Variants in CHL1 observed in about 807,000 individuals in gnomAD.
CHL1 encodes the protein neural cell adhesion molecule L1-like protein.
In CHL1, 96 loss-of-function variants were observed where a neutral mutation model predicts 141.9. The observed-to-expected ratio is 0.68, with a 90% CI of 0.57 to 0.80. The LOEUF is 0.80. Ranked by LOEUF, CHL1 falls within the 30% of genes least tolerant of loss-of-function variation. The pLI is 0.00. For missense variants in CHL1, 1,820 were observed against 1,457.2 expected (o/e 1.25, Z -4.05); for synonymous variants, 613 against 502.2 (o/e 1.22, Z -2.95).
At chr3:254,902 G>C (rs993118773) in intron 2 of CHL1, among the ~76,000 whole-genome samples, 1 of 152,116 alleles carries the variant, frequency 6.6e-6, no homozygotes. Flanking sequence ...TGACCATTAA[G>C]TCTCAACACT....
chr3:328,627 T>C (rs1559262171), intron 5 of CHL1, among the ~76,000 whole-genome samples: 1 of 152,130 alleles, frequency 6.6e-6, no homozygotes, highest in Non-Finnish European at 1.5e-5. Flanking sequence ...GAATTAAACA[T>C]ATTATTAGTT....
chr3:271,224 C>G (rs1046733093), intron 2 of CHL1, among the ~76,000 whole-genome samples: 1 of 152,168 alleles, frequency 6.6e-6, no homozygotes, highest in African/African-American at 2.4e-5. Context: ...TTTTAACTCG[C>G]TGATTTTCAG....
intron 3 of CHL1, among the ~76,000 whole-genome samples, chr3:322,580 C>T (rs1700656414): frequency 6.8e-6 from 1 of 147,386 alleles, no homozygotes; most frequent in South Asian, 2.1e-4. Flanking sequence ...GGCTTGAGGT[C>T]AGGAGTTCAA....
In CHL1 at chr3:390,948, A is replaced by T. The variant is rs1428348386; in HGVS notation, c.2587-7A>T. ...GATATACTAAAAGATTTTGGTTTTC[A>T]TTGCAGATAAATTGGTGGAAAACAA... On this transcript the variant is annotated splice_region_variant and splice_polypyrimidine_tract_variant and intron_variant, in intron 21 of 27. Coordinates refer to ENST00000256509, the MANE Select transcript of CHL1 (RefSeq NM_006614.4). 3 of 1,612,658 alleles carry T rather than the reference A, an allele frequency of 1.9e-6. No individual in the cohort carries two copies. Among genetic ancestry groups the T allele is most frequent in the Non-Finnish European group, 1.7e-6 (2 of 1,178,872 alleles).
rs116261147 is a variant in CHL1, at chr3:292,037, C to T, written c.-94-27646C>T. Among the ~76,000 whole-genome samples, 189 of 152,276 alleles carry T rather than the reference C, an allele frequency of 1.2e-3. 1 individual carries two copies. Among genetic ancestry groups the T allele is most frequent in the African/African-American group, 3.9e-3 (161 of 41,562 alleles). ...GGAGAAAGAAAAGGTGGAAACGATT[C>T]CTCTTGCACGTTTCAGAGTGTTAGA... On this transcript the variant is annotated intron_variant, in intron 2 of 27. Coordinates refer to ENST00000256509, the MANE Select transcript of CHL1 (RefSeq NM_006614.4).
intron 10 of CHL1, among the ~76,000 whole-genome samples, chr3:351,998 A>G (rs1252815912): frequency 6.6e-6 from 1 of 152,202 alleles, no homozygotes; most frequent in East Asian, 1.9e-4. Flanking sequence ...AGACTATTTA[A>G]AAATAAGCTC....
chr3:392,488 A>G (rs878952122), intron 23 of CHL1, among the ~76,000 whole-genome samples: 4 of 152,262 alleles, frequency 2.6e-5, no homozygotes, highest in Admixed American at 2.6e-4. Flanking sequence ...AGATGAGATC[A>G]GGTCGTTTTT....
intron 12 of CHL1, 70 bp downstream of exon 12, chr3:360,494 G>T: frequency 3.3e-6 from 5 of 1,495,834 alleles, no homozygotes; most frequent in Non-Finnish European, 4.6e-6. Flanking sequence ...ATGTTCAGAA[G>T]TGTATTAACT....
chr3:277,229 C>G (rs1369675015), intron 2 of CHL1, among the ~76,000 whole-genome samples: 1 of 151,892 alleles, frequency 6.6e-6, no homozygotes, highest in Non-Finnish European at 1.5e-5. Context: ...TGCTTGAAAA[C>G]TAAAGGATAT....
At chr3:283,545 C>A (rs1375881509) in intron 2 of CHL1, among the ~76,000 whole-genome samples, 1 of 152,162 alleles carries the variant, frequency 6.6e-6, no homozygotes, top group South Asian at 2.1e-4. Context: ...TCTAACATAT[C>A]TTTTTCTTCA....
intron 1 of CHL1, among the ~76,000 whole-genome samples, chr3:231,897 C>T (rs1441456754): frequency 6.6e-6 from 1 of 152,060 alleles, no homozygotes; most frequent in Non-Finnish European, 1.5e-5. Flanking sequence ...TTCTTAATCT[C>T]TGAATGTGTT....
At chr3:311,841 T>C (rs1322302413) in intron 2 of CHL1, among the ~76,000 whole-genome samples, 1 of 152,184 alleles carries the variant, frequency 6.6e-6, no homozygotes, top group Non-Finnish European at 1.5e-5. Flanking sequence ...CCTACAGGAA[T>C]TTCACAGCTA....
At chr3:387,267 C>T (rs1707821415) in intron 19 of CHL1, among the ~76,000 whole-genome samples, 1 of 152,180 alleles carries the variant, frequency 6.6e-6, no homozygotes, top group Non-Finnish European at 1.5e-5. Flanking sequence ...TCCTACACCC[C>T]ACGTTAAGAA....
At position 342,011 on chromosome 3, in the gene CHL1, G is replaced by T. The variant is rs1486949921; in HGVS notation, c.608G>T (p.Cys203Phe). The stretch of plus-strand genomic sequence containing the variant: ...GAAAAGGACAGTCGCAATGACTACT[G>T]TTGCTTTGCTGCATTTCCAAGATTA... The part of the protein sequence containing the change: ...VEEKDSRNDY[C>F]CFAAFPRLRT... Residue 203 changes from cysteine (C) to phenylalanine (F), a missense_variant, in exon 7 of 28, where the codon TGT (cysteine) becomes TTT (phenylalanine). Physicochemically the swap from Cys to Phe is radical, Grantham distance 205 (BLOSUM62 -2). Transcript: ENST00000256509. 6.2e-7 allele frequency: 1 copy of T among 1,613,512 alleles called. No individual in the cohort carries two copies.
chr3:344,544 T>G, intron 8 of CHL1, 45 bp from the exon 9 acceptor site: 1 of 1,469,224 alleles, frequency 6.8e-7, no homozygotes, highest in Non-Finnish European at 9.4e-7. Context: ...GAATTTTATG[T>G]ATATTAATTT....
chr3:235,908 A>G (rs1172002376), intron 1 of CHL1, among the ~76,000 whole-genome samples: 1 of 152,182 alleles, frequency 6.6e-6, no homozygotes, highest in Non-Finnish European at 1.5e-5. Context: ...GAAACAGAGG[A>G]CTAGCACCTC....
At chr3:355,779 A>G (rs1292494136) in intron 11 of CHL1, among the ~76,000 whole-genome samples, 3 of 152,100 alleles carry the variant, frequency 2.0e-5, no homozygotes, top group African/African-American at 7.2e-5. Flanking sequence ...ATGAAAAAAA[A>G]TGTGGCCAGC....
intron 1 of CHL1, among the ~76,000 whole-genome samples, chr3:239,751 C>T (rs948396845): frequency 2.0e-5 from 3 of 151,880 alleles, no homozygotes; most frequent in African/African-American, 7.3e-5. Flanking sequence ...TATCCCTCAC[C>T]CCACTCCCAC....
chr3:342,398 T>A (rs1702411039), intron 7 of CHL1, among the ~76,000 whole-genome samples: 2 of 152,156 alleles, frequency 1.3e-5, no homozygotes, highest in African/African-American at 4.8e-5. Flanking sequence ...TGGGCATCGA[T>A]TCACTGTGAT....
Sources: gnomAD v4.1 joint callset for allele counts (sites outside exome capture counted in the v4.1 genomes callset) on GRCh38, gnomAD v4.1.1 for gene constraint, MANE v1.5 for transcripts, NCBI Gene and HGNC (gene_info 2026-07-23, HGNC 2026-07-21) for gene names.